CCDC110: variants seen among roughly 807,000 people sequenced by gnomAD.
The protein encoded by CCDC110 is coiled-coil domain-containing protein 110.
A neutral mutation model predicts 77.1 loss-of-function variants in CCDC110; 70 were observed. The observed-to-expected ratio is 0.91, with a 90% CI of 0.75 to 1.11. The LOEUF (loss-of-function observed/expected upper bound fraction) is 1.11. Ranked by LOEUF, CCDC110 falls within the 50% of genes least tolerant of loss-of-function variation. CCDC110 has a pLI of 0.00. For missense variants in CCDC110, 868 were observed against 942.9 expected (o/e 0.92, Z 1.04); for synonymous variants, 295 against 312.5 (o/e 0.94, Z 0.59).
At chr4:185,462,036 C>T (rs764149195) in intron 4 of CCDC110, among the ~76,000 whole-genome samples, 2 of 152,012 alleles carry the variant, frequency 1.3e-5, no homozygotes, top group South Asian at 2.1e-4. Flanking sequence ...AGGCAGAAGT[C>T]GCAGGGAGCC....
In CCDC110 at chr4:185,468,212, GC is replaced by G. The variant is rs2095659589; in HGVS notation, c.115+2732del. ...CAAGGAGCTATGCAACAGGTTGCCTGCCGCCCAGATTTGAATTCTAGCTTTG... is the reference window on the plus strand; with the variant it reads ...CAAGGAGCTATGCAACAGGTTGCCTGCGCCCAGATTTGAATTCTAGCTTTG... On this transcript the variant is annotated intron_variant, in intron 2 of 6. Transcript: ENST00000307588. The surrounding 1 kb of genome is among the most constrained non-coding windows in gnomAD (Gnocchi z 4.5). Among the ~76,000 whole-genome samples the G allele has an allele frequency of 6.6e-6, 1 of 152,226 alleles. No individual in the cohort carries two copies. Among genetic ancestry groups the G allele is most frequent in the Admixed American group, 6.5e-5 (1 of 15,286 alleles).
chr4:185,464,314 G>A (rs1295519617), intron 2 of CCDC110, among the ~76,000 whole-genome samples: 2 of 152,096 alleles, frequency 1.3e-5, no homozygotes, highest in African/African-American at 2.4e-5. Flanking sequence ...CGCTGGTTTG[G>A]AGCCTGGAGC....
In CCDC110 at chr4:185,460,172, GTGTCT is replaced by G; in HGVS notation, c.410_414del (p.Lys137ThrfsTer11). On this transcript the variant is annotated frameshift_variant, in exon 6 of 7. Transcript: ENST00000307588. LOFTEE classifies it high-confidence loss of function. The stretch of plus-strand genomic sequence containing the variant: ...CTTAATTTTTCTTCCACTGAATGAA[GTGTCT>G]TGGAATCCTCAAAATGATGACTTTT... The G allele has an allele frequency of 6.2e-7, 1 of 1,612,184 alleles. No individual in the cohort carries two copies. The highest frequency in any genetic ancestry group is 8.5e-7 in the Non-Finnish European group (1 of 1,179,876).
chr4:185,455,515 A>C (rs371511642), intron 6 of CCDC110, among the ~76,000 whole-genome samples: 3 of 152,236 alleles, frequency 2.0e-5, no homozygotes, highest in East Asian at 1.9e-4. Flanking sequence ...CCTAGGGATA[A>C]TGAAGGTTAT....
In CCDC110 at chr4:185,448,933, G is replaced by A. The variant is rs145575231; in HGVS notation, c.2462-3391C>T. Among the ~76,000 whole-genome samples, 241 of 151,862 alleles carry A rather than the reference G, an allele frequency of 1.6e-3. 1 individual carries two copies. The highest frequency in any genetic ancestry group is 5.5e-3 in the African/African-American group (226 of 41,268). The stretch of plus-strand genomic sequence containing the variant: ...TTGAAAAATCTGAATTTTATCTTCC[G>A]TTTAGTAATTTTGAATTTATTGAAA... On this transcript the variant is annotated intron_variant, in intron 6 of 6. Transcript: ENST00000307588.
intron 2 of CCDC110, 83 bp from the exon 3 acceptor site, chr4:185,463,132 C>T (rs913943152): frequency 2.9e-6 from 3 of 1,021,654 alleles, no homozygotes; most frequent in Non-Finnish European, 4.5e-6. Context: ...AGTCTCCTAA[C>T]TTGCTTGGAT....
At chr4:185,466,712 G>A (rs1341468118) in intron 2 of CCDC110, among the ~76,000 whole-genome samples, 1 of 152,028 alleles carries the variant, frequency 6.6e-6, no homozygotes, top group Admixed American at 6.5e-5. Context: ...TGGGACCACA[G>A]GTGTGTGCCA....
At chr4:185,449,545 G>A in intron 6 of CCDC110, 1 of 1,147,846 alleles carries the variant, frequency 8.7e-7, no homozygotes, top group Non-Finnish European at 1.2e-6. Context: ...GAATGTACAG[G>A]TATTTGACTT....
At chr4:185,447,185 T>TC (rs1159529265) in intron 6 of CCDC110, among the ~76,000 whole-genome samples, 112 of 108,640 alleles carry the variant, frequency 1.0e-3, no homozygotes, top group African/African-American at 2.8e-3. Flanking sequence ...TTATATTTTT[T>TC]CTTTTTTTTT....
intron 2 of CCDC110, among the ~76,000 whole-genome samples, chr4:185,469,242 CA>C (rs2095661483): frequency 6.6e-6 from 1 of 152,192 alleles, no homozygotes; most frequent in Non-Finnish European, 1.5e-5. Flanking sequence ...AGAAGGGCGC[CA>C]GCCATACCTC....
intron 5 of CCDC110, among the ~76,000 whole-genome samples, chr4:185,460,715 G>C (rs1367930747): frequency 6.6e-6 from 1 of 152,114 alleles, no homozygotes; most frequent in African/African-American, 2.4e-5. Flanking sequence ...CTTTGGTTTG[G>C]AGCTTTTCTA....
At chr4:185,452,451 C>T (rs1739835319) in intron 6 of CCDC110, 2 of 844,668 alleles carry the variant, frequency 2.4e-6, no homozygotes, top group Non-Finnish European at 2.9e-6. Context: ...CAATAAGAAG[C>T]TCTGATAAGA....
Position 185,462,630 on chromosome 4 carries a change from A to G in CCDC110, c.237+13T>C, listed in dbSNP as rs2095648431. 5.0e-6 allele frequency: 8 copies of G among 1,606,546 alleles called. No individual in the cohort carries two copies. The highest frequency in any genetic ancestry group is 1.1e-5 in the South Asian group (1 of 90,906). ...AGGTGAGATATTTCATATATAGATCAAAAGAAACATACCATGCTGACATTC... is the reference window on the plus strand; with the variant it reads ...AGGTGAGATATTTCATATATAGATCGAAAGAAACATACCATGCTGACATTC... On this transcript the variant is annotated intron_variant, in intron 4 of 6. Transcript: ENST00000307588.
chr4:185,471,003 T>C lies in CCDC110; in HGVS notation c.57A>G (p.Ser19=). Residue 19 remains serine (S), a synonymous_variant, in exon 2 of 7, where the codon TCA becomes TCG. Coordinates refer to ENST00000307588, the MANE Select transcript of CCDC110 (RefSeq NM_152775.4). The stretch of plus-strand genomic sequence containing the variant: ...CCGAAGAATTTAGGATCTTGGACGC[T>C]GAAAGGAGAACGGAGTCAACTTCAT... ...EEDEVDSVLL[S]ASKILNSSEG... is the part of the protein sequence containing the mutation. 1 of 1,604,516 alleles carries C rather than the reference T, an allele frequency of 6.2e-7. No individual in the cohort carries two copies. Among genetic ancestry groups the C allele is most frequent in the Non-Finnish European group, 8.5e-7 (1 of 1,178,136 alleles).
rs976951348 is a variant in CCDC110, at chr4:185,445,302, T to G, written c.*200A>C. The G allele has an allele frequency of 2.0e-5, 14 of 707,246 alleles. No individual in the cohort carries two copies. In the Admixed American group the frequency reaches 3.0e-4, roughly 15 times the overall value. 43.8% of individuals were successfully genotyped at this position (707,246 alleles called of 1,614,324 possible). On this transcript the variant is annotated 3_prime_UTR_variant, in exon 7 of 7. Coordinates refer to ENST00000307588, the MANE Select transcript of CCDC110 (RefSeq NM_152775.4). ...AGGTACCTGCCCTCCCTTGTAGAAG[T>G]TCTCCCCCATCTTCTGAAATTCCCA...
chr4:185,459,074 G>C lies in CCDC110; in HGVS notation c.1513C>G (p.Leu505Val). The C allele has an allele frequency of 6.4e-7, 1 of 1,572,166 alleles. No homozygotes were observed. The highest frequency in any genetic ancestry group is 8.7e-7 in the Non-Finnish European group (1 of 1,155,646). The change falls in exon 6 of 7, where the codon CTT (leucine) becomes GTT (valine). Residue 505 changes from leucine (L) to valine (V), a missense_variant. Physicochemically the swap from Leu to Val is conservative, Grantham distance 32. Coordinates refer to ENST00000307588, the MANE Select transcript of CCDC110 (RefSeq NM_152775.4). Reference protein sequence around the residue: ...SKTEEYSKECLKEFKKIISKY... With the variant: ...SKTEEYSKECVKEFKKIISKY... ...CTAATTATTTTTTTAAATTCTTTAA[G>C]ACACTCTTTGCTGTATTCTTCTGTT... is the stretch of plus-strand genomic sequence containing the variant.
At chr4:185,463,176 C>A in intron 2 of CCDC110, 127 bp from the exon 3 acceptor site, 1 of 669,798 alleles carries the variant, frequency 1.5e-6, no homozygotes, top group Non-Finnish European at 2.6e-6. Context: ...TTCTGATATT[C>A]ACACTATGCT....
intron 6 of CCDC110, among the ~76,000 whole-genome samples, chr4:185,449,431 G>C (rs1449744688): frequency 6.6e-6 from 1 of 151,978 alleles, no homozygotes; most frequent in Non-Finnish European, 1.5e-5. Flanking sequence ...CGAGGCAGGA[G>C]GATTGCCTAA....
At chr4:185,463,983 A>T (rs186345145) in intron 2 of CCDC110, among the ~76,000 whole-genome samples, 29 of 152,288 alleles carry the variant, frequency 1.9e-4, no homozygotes, top group Admixed American at 1.8e-3. Flanking sequence ...CTTGCTTGAT[A>T]CCGTCCTGGA....
Sources: allele counts gnomAD v4.1 joint callset (sites outside exome capture counted in the v4.1 genomes callset), GRCh38; gene constraint gnomAD v4.1.1; non-coding constraint Gnocchi (gnomAD v3.1); transcripts MANE v1.5; gene names NCBI Gene and HGNC (gene_info 2026-07-23, HGNC 2026-07-21).